CTNNA2: variants seen among roughly 807,000 people sequenced by gnomAD.
CTNNA2 encodes the protein catenin alpha-2.
Under a neutral mutation model 101.0 loss-of-function variants are expected in CTNNA2, and 42 were observed. That is an observed-to-expected ratio of 0.42 (90% confidence interval 0.32 to 0.54). The LOEUF (loss-of-function observed/expected upper bound fraction) is 0.54. Among genes scored for constraint, CTNNA2 ranks in the 20% least tolerant of loss-of-function variants. The pLI, the probability that CTNNA2 is intolerant of heterozygous loss-of-function variation, is 0.14. For synonymous variants in CTNNA2, 450 were observed against 456.4 expected (o/e 0.99, Z 0.18); for missense variants, 871 against 1,223.1 (o/e 0.71, Z 4.29).
At position 80,363,449 on chromosome 2, in the gene CTNNA2, A is replaced by G. The variant is rs142878579; in HGVS notation, c.1057-29762A>G. 2.3e-3 allele frequency among the ~76,000 whole-genome samples: 346 copies of G among 152,294 alleles called. 2 individuals are homozygous for G. Among genetic ancestry groups the G allele is most frequent in the African/African-American group, 7.8e-3 (326 of 41,568 alleles). On this transcript the variant is annotated intron_variant, in intron 7 of 18. Transcript: ENST00000402739. ...CATGATTTTACCAGCTCTCTCAAAT[A>G]AAGCCGGGCTCAGTAAATGCTCTGG...
At chr2:80,407,064 C>A (rs1271045139) in intron 8 of CTNNA2, among the ~76,000 whole-genome samples, 1 of 152,114 alleles carries the variant, frequency 6.6e-6, no homozygotes, top group Non-Finnish European at 1.5e-5. Flanking sequence ...CAACTAGATA[C>A]AACTTCTACT....
chr2:80,394,776 T>TA (rs397978412), intron 8 of CTNNA2, among the ~76,000 whole-genome samples: 8 of 152,026 alleles, frequency 5.3e-5, no homozygotes, highest in Admixed American at 4.6e-4. Flanking sequence ...CTTTTTTTTT[T>TA]AAGCTGTATA....
chr2:80,594,815 T>C (rs1169275197), intron 15 of CTNNA2, among the ~76,000 whole-genome samples: 1 of 149,956 alleles, frequency 6.7e-6, no homozygotes, highest in African/African-American at 2.5e-5. Flanking sequence ...GGAAAATCAT[T>C]TGACCTTATA....
At chr2:79,475,505 A>G (rs1355804108) in intron 4 of CTNNA2, among the ~76,000 whole-genome samples, 1 of 152,298 alleles carries the variant, frequency 6.6e-6, no homozygotes, top group East Asian at 1.9e-4. Context: ...TTGTGGTTTT[A>G]TGAAGGTTAC....
chr2:79,487,943 G>A (rs1040190400), intron 4 of CTNNA2, among the ~76,000 whole-genome samples: 3 of 152,142 alleles, frequency 2.0e-5, no homozygotes, highest in Non-Finnish European at 4.4e-5. Context: ...AAGTGTACCT[G>A]GCTTTGGCTT....
chr2:80,479,326 T>G (rs1366821718), intron 9 of CTNNA2, among the ~76,000 whole-genome samples: 1 of 152,064 alleles, frequency 6.6e-6, no homozygotes, highest in Non-Finnish European at 1.5e-5. Flanking sequence ...GACATGGTGA[T>G]GAAAAGGAAG....
chr2:79,211,463 G>A (rs577748964), intron 2 of CTNNA2, among the ~76,000 whole-genome samples: 2 of 152,276 alleles, frequency 1.3e-5, no homozygotes, highest in Admixed American at 6.5e-5. Context: ...AGGGAGATAG[G>A]GGTGGGGCCT....
chr2:79,320,216 G>A (rs17016820), intron 3 of CTNNA2, among the ~76,000 whole-genome samples: 16,034 of 151,162 alleles, frequency 0.11, 1,026 homozygotes, highest in Middle Eastern at 0.21. Flanking sequence ...GCATCTTTGC[G>A]GAGCACACAG....
At chr2:80,422,083 AT>A (rs1193223889) in intron 9 of CTNNA2, among the ~76,000 whole-genome samples, 1 of 152,216 alleles carries the variant, frequency 6.6e-6, no homozygotes, top group Non-Finnish European at 1.5e-5. Flanking sequence ...ATAAAGACAT[AT>A]CATATGCAAG....
At chr2:79,870,434 G>A (rs770626222) in intron 5 of CTNNA2, among the ~76,000 whole-genome samples, 55 of 151,578 alleles carry the variant, frequency 3.6e-4, no homozygotes, top group East Asian at 7.8e-4. Flanking sequence ...GTGGGGGAAC[G>A]GAGAAAGGGA....
intron 9 of CTNNA2, among the ~76,000 whole-genome samples, chr2:80,463,543 T>C (rs576027644): frequency 1.3e-5 from 2 of 152,286 alleles, no homozygotes; most frequent in Admixed American, 1.3e-4. Flanking sequence ...TTAGAATGTT[T>C]GGGAGTTTTC....
Position 79,951,127 on chromosome 2 carries a change from G to T in CTNNA2, c.1056+41330G>T, listed in dbSNP as rs138917499. 5.8e-3 allele frequency among the ~76,000 whole-genome samples: 885 copies of T among 152,268 alleles called. 6 individuals carry two copies. Among genetic ancestry groups the T allele is most frequent in the African/African-American group, 0.02 (837 of 41,540 alleles). On this transcript the variant is annotated intron_variant, in intron 7 of 18. Coordinates refer to ENST00000402739, the MANE Select transcript of CTNNA2 (RefSeq NM_001282597.3). Reference sequence around the variant, plus strand: ...AATTAATGGAAATATTCTAGCAAAAGAGCAGAAAACTACATATCTAACTAT... The same window carrying T: ...AATTAATGGAAATATTCTAGCAAAATAGCAGAAAACTACATATCTAACTAT...
chr2:79,664,416 C>A (rs950435091), intron 2 of CTNNA2, among the ~76,000 whole-genome samples: 4 of 152,172 alleles, frequency 2.6e-5, no homozygotes, highest in Non-Finnish European at 5.9e-5. Context: ...CCAACTGGCA[C>A]TGGAATACAG....
At chr2:80,248,806 C>T (rs1671541025) in intron 7 of CTNNA2, among the ~76,000 whole-genome samples, 1 of 151,998 alleles carries the variant, frequency 6.6e-6, no homozygotes, top group Non-Finnish European at 1.5e-5. Context: ...GGCTAAAGGC[C>T]CAGTTTAGTA....
At chr2:80,329,864 A>G (rs991757632) in intron 7 of CTNNA2, among the ~76,000 whole-genome samples, 3 of 152,124 alleles carry the variant, frequency 2.0e-5, no homozygotes, top group African/African-American at 7.2e-5. Flanking sequence ...ATATAGATCC[A>G]CTCTGGAAAC....
intron 7 of CTNNA2, chr2:80,305,110 T>G: frequency 1.0e-6 from 1 of 985,258 alleles, no homozygotes; most frequent in Non-Finnish European, 1.2e-6. Flanking sequence ...CGTTTGGACC[T>G]TTGCTTTAGA....
chr2:80,487,723 C>T (rs957370171), intron 9 of CTNNA2, among the ~76,000 whole-genome samples: 7 of 152,142 alleles, frequency 4.6e-5, no homozygotes, highest in African/African-American at 1.7e-4. Flanking sequence ...TTATGTAAAC[C>T]TCTTTTGACT....
intron 3 of CTNNA2, among the ~76,000 whole-genome samples, chr2:79,372,989 G>C (rs1014047508): frequency 6.6e-6 from 1 of 152,162 alleles, no homozygotes; most frequent in Non-Finnish European, 1.5e-5. Flanking sequence ...CAAATGGACA[G>C]CAGCATAGTA....
intron 4 of CTNNA2, among the ~76,000 whole-genome samples, chr2:79,422,911 G>A (rs1678553968): frequency 6.6e-6 from 1 of 152,192 alleles, no homozygotes; most frequent in South Asian, 2.1e-4. Context: ...AGGGAACTGA[G>A]AGTACATACT....
Sources: allele counts gnomAD v4.1 joint callset (sites outside exome capture counted in the v4.1 genomes callset), GRCh38; gene constraint gnomAD v4.1.1; transcripts MANE v1.5; gene names NCBI Gene and HGNC (gene_info 2026-07-23, HGNC 2026-07-21).